B3GAT2: variants seen among roughly 807,000 people sequenced by gnomAD.
B3GAT2 encodes beta-1,3-glucuronyltransferase 2.
B3GAT2 carries 26 observed loss-of-function variants against 27.8 expected under a neutral mutation model. That is an observed-to-expected ratio of 0.93 (90% CI 0.68 to 1.30). B3GAT2 has a LOEUF of 1.30. B3GAT2 is among the 50% of genes most tolerant of loss of function. The pLI is 0.00. For missense variants in B3GAT2, 458 were observed against 459.0 expected (o/e 1.00, Z 0.02); for synonymous variants, 218 against 195.1 (o/e 1.12, Z -0.98).
chr6:70,930,291 T>C (rs1384390607), intron 1 of B3GAT2, among the ~76,000 whole-genome samples: 2 of 152,158 alleles, frequency 1.3e-5, no homozygotes, highest in East Asian at 3.8e-4. Context: ...GGCAAGGACT[T>C]CATGACTAAA....
intron 2 of B3GAT2, among the ~76,000 whole-genome samples, chr6:70,872,980 C>T (rs998028453): frequency 1.3e-5 from 2 of 152,140 alleles, no homozygotes; most frequent in Admixed American, 1.3e-4. Flanking sequence ...CTTTGCCCCT[C>T]ATTTGTGCTA....
At chr6:70,862,606 TAA>T (rs983712939) in intron 2 of B3GAT2, among the ~76,000 whole-genome samples, 1 of 152,326 alleles carries the variant, frequency 6.6e-6, no homozygotes, top group South Asian at 2.1e-4. Flanking sequence ...CATCATCTGA[TAA>T]AGTTTTTTTT....
chr6:70,891,748 T>TTGTGTGTGTG lies in B3GAT2; in HGVS notation c.736+2370_736+2379dup, dbSNP rs147352529. Among the ~76,000 whole-genome samples the TTGTGTGTGTG allele has an allele frequency of 4.4e-3, 644 of 144,738 alleles. 2 individuals are homozygous for TTGTGTGTGTG. The highest frequency in any genetic ancestry group is 0.014 in the African/African-American group (537 of 39,000). The allele number at this position is 144,738 out of a possible 152,430, so 95.0% of individuals were successfully genotyped here. A position where few individuals can be genotyped will look rare whatever the true frequency, so the allele number is the denominator to read the frequency against. On this transcript the variant is annotated intron_variant, in intron 2 of 3. Coordinates refer to ENST00000230053, the MANE Select transcript of B3GAT2 (RefSeq NM_080742.3). The stretch of plus-strand genomic sequence containing the variant: ...AAAGTAGAGCTCCTCAGAGCTCAGA[T>TTGTGTGTGTG]TGTGTGTGTGTGTGTGTGTGTGTGT...
At position 70,861,020 on chromosome 6, in the gene B3GAT2, C is replaced by G. The variant is rs1771699748; in HGVS notation, c.*643G>C. On this transcript the variant is annotated 3_prime_UTR_variant, in exon 4 of 4. Coordinates refer to ENST00000230053, the MANE Select transcript of B3GAT2 (RefSeq NM_080742.3). ...TGAAGACCTTTTTCTGCACTATATG[C>G]AAACAGGGTAACTAACTAAAACAAA... is the stretch of plus-strand genomic sequence containing the variant. 1 of 268,546 alleles carries G rather than the reference C, an allele frequency of 3.7e-6. No homozygotes were observed. The highest frequency in any genetic ancestry group is 1.7e-4 in the South Asian group (1 of 5,842). The allele number at this position is 268,546 out of a possible 1,614,324, so 16.6% of individuals were successfully genotyped here.
intron 1 of B3GAT2, among the ~76,000 whole-genome samples, chr6:70,916,441 T>C (rs1486389093): frequency 6.6e-6 from 1 of 152,334 alleles, no homozygotes; most frequent in East Asian, 1.9e-4. Context: ...CGATGTTGAA[T>C]AGGAGTGGTG....
At position 70,899,046 on chromosome 6, in the gene B3GAT2, C is replaced by G. The variant is rs190052517; in HGVS notation, c.592-4774G>C. Among the ~76,000 whole-genome samples, 651 of 152,012 alleles carry G rather than the reference C, an allele frequency of 4.3e-3. 2 individuals carry two copies. The highest frequency in any genetic ancestry group is 0.011 in the African/African-American group (468 of 41,456). ...AAAATAAATGTGGGCCCACATGTAACAAGAAATCACTATGTGTCTGTGCTG... is the reference window on the plus strand; with the variant it reads ...AAAATAAATGTGGGCCCACATGTAAGAAGAAATCACTATGTGTCTGTGCTG... On this transcript the variant is annotated intron_variant, in intron 1 of 3. Coordinates refer to ENST00000230053, the MANE Select transcript of B3GAT2 (RefSeq NM_080742.3).
At chr6:70,925,183 G>A (rs1772933123) in intron 1 of B3GAT2, among the ~76,000 whole-genome samples, 1 of 152,166 alleles carries the variant, frequency 6.6e-6, no homozygotes, top group South Asian at 2.1e-4. Context: ...ATCGTTACAA[G>A]ATGGCCGAAG....
intron 1 of B3GAT2, among the ~76,000 whole-genome samples, chr6:70,920,903 G>C (rs1772857690): frequency 6.6e-6 from 1 of 152,130 alleles, no homozygotes; most frequent in Admixed American, 6.6e-5. Context: ...GCTTAGTCTT[G>C]CTGCACAGGA....
intron 1 of B3GAT2, among the ~76,000 whole-genome samples, chr6:70,909,576 C>T (rs188797768): frequency 2.6e-4 from 39 of 152,252 alleles, no homozygotes; most frequent in Admixed American, 2.4e-3. Flanking sequence ...GAATTGACAG[C>T]TGTATCAGAA....
intron 1 of B3GAT2, among the ~76,000 whole-genome samples, chr6:70,935,293 T>A (rs962810947): frequency 9.9e-5 from 15 of 151,078 alleles, no homozygotes; most frequent in South Asian, 8.4e-4. Flanking sequence ...CAAAAAAAAA[T>A]AAAAATAAAA....
At chr6:70,912,983 GT>G (rs1444427038) in intron 1 of B3GAT2, among the ~76,000 whole-genome samples, 3 of 151,926 alleles carry the variant, frequency 2.0e-5, no homozygotes, top group African/African-American at 7.2e-5. Context: ...GTCTTTTAAG[GT>G]TTTTTATATT....
At chr6:70,872,772 A>G (rs1276570058) in intron 2 of B3GAT2, among the ~76,000 whole-genome samples, 1 of 151,586 alleles carries the variant, frequency 6.6e-6, no homozygotes, top group African/African-American at 2.4e-5. Flanking sequence ...CTATTTCTCT[A>G]TTACTGCCTT....
chr6:70,956,285 C>G lies in B3GAT2; in HGVS notation c.145G>C (p.Gly49Arg). Residue 49 changes from glycine to arginine, a missense_variant, in exon 1 of 4, where the codon GGC (glycine) becomes CGC (arginine). Coordinates refer to ENST00000230053, the MANE Select transcript of B3GAT2 (RefSeq NM_080742.3). The part of the protein sequence containing the change: ...YFSPYAVGRG[G>R]ARLPLRRGGP... ...CCCCTGCGGAGCGGGAGTCGGGCGC[C>G]CCCGCGGCCCACCGCGTAGGGAGAG... is the stretch of plus-strand genomic sequence containing the variant. The G allele has an allele frequency of 6.2e-7, 1 of 1,603,746 alleles. No homozygotes were observed. Among genetic ancestry groups the G allele is most frequent in the African/African-American group, 1.3e-5 (1 of 74,890 alleles).
intron 2 of B3GAT2, among the ~76,000 whole-genome samples, chr6:70,867,999 C>G (rs1222495560): frequency 6.6e-6 from 1 of 151,712 alleles, no homozygotes; most frequent in Non-Finnish European, 1.5e-5. Context: ...TTTAAAATTT[C>G]AAAATCAATC....
intron 1 of B3GAT2, among the ~76,000 whole-genome samples, chr6:70,927,663 C>T (rs910462529): frequency 6.6e-6 from 1 of 152,096 alleles, no homozygotes; most frequent in Non-Finnish European, 1.5e-5. Flanking sequence ...ACAGGAGCAC[C>T]CAGATCCATA....
chr6:70,949,507 C>T (rs1265938286), intron 1 of B3GAT2, among the ~76,000 whole-genome samples: 1 of 148,140 alleles, frequency 6.8e-6, no homozygotes, highest in Non-Finnish European at 1.5e-5. Flanking sequence ...CAATGAGATA[C>T]CATCTCACAC....
At chr6:70,871,791 G>A (rs1010731907) in intron 2 of B3GAT2, among the ~76,000 whole-genome samples, 3 of 151,764 alleles carry the variant, frequency 2.0e-5, no homozygotes, top group Non-Finnish European at 2.9e-5. Flanking sequence ...AGAAGGTTAG[G>A]TTATTGATTT....
chr6:70,870,432 C>A (rs981027478), intron 2 of B3GAT2, among the ~76,000 whole-genome samples: 4 of 149,630 alleles, frequency 2.7e-5, no homozygotes, highest in African/African-American at 9.8e-5. Context: ...AGGAGATATA[C>A]CTAATGCTAA....
Position 70,889,786 on chromosome 6 carries a change from ATT to A in B3GAT2, c.736+4340_736+4341del, listed in dbSNP as rs5877266. On this transcript the variant is annotated intron_variant, in intron 2 of 3. Transcript: ENST00000230053. ...CCCCCTCTGCTCCATTAGAAACCTA[ATT>A]TTTTTTTTTTTTTTGAAACAGTCTC... 2.4e-3 allele frequency among the ~76,000 whole-genome samples: 341 copies of A among 141,762 alleles called. 2 individuals carry two copies. Among genetic ancestry groups the A allele is most frequent in the African/African-American group, 7.1e-3 (274 of 38,454 alleles). 93.0% of individuals were successfully genotyped at this position (141,762 alleles called of 152,430 possible).
Sources: gnomAD v4.1 joint callset for allele counts (sites outside exome capture counted in the v4.1 genomes callset) on GRCh38, gnomAD v4.1.1 for gene constraint, MANE v1.5 for transcripts, NCBI Gene and HGNC (gene_info 2026-07-23, HGNC 2026-07-21) for gene names.